INPP4B: variants seen among roughly 807,000 people sequenced by gnomAD.
INPP4B encodes inositol polyphosphate 4-phosphatase type II.
INPP4B carries 55 observed loss-of-function variants against 122.5 expected under a neutral mutation model. That is an observed-to-expected ratio of 0.45 (90% CI 0.36 to 0.56). The LOEUF is 0.56. INPP4B is among the 20% of genes least tolerant of loss of function. The probability of loss-of-function intolerance (pLI) is 0.00; values close to 1 mark genes in which losing one functional copy is unlikely to be tolerated. For synonymous variants in INPP4B, 403 were observed against 388.7 expected (o/e 1.04, Z -0.43); for missense variants, 1,000 against 1,097.7 (o/e 0.91, Z 1.26).
chr4:142,761,393 T>C (rs1771325101), intron 1 of INPP4B, among the ~76,000 whole-genome samples: 1 of 152,152 alleles, frequency 6.6e-6, no homozygotes, highest in Non-Finnish European at 1.5e-5. Context: ...CTACATCATA[T>C]AATTTATTTT....
At chr4:142,588,526 C>T (rs924960257) in intron 2 of INPP4B, among the ~76,000 whole-genome samples, 6 of 150,818 alleles carry the variant, frequency 4.0e-5, no homozygotes, top group African/African-American at 9.7e-5. Flanking sequence ...CAATGAACAA[C>T]TTGAATTTCA....
chr4:142,246,072 TAC>T (rs1444314019), intron 11 of INPP4B, among the ~76,000 whole-genome samples: 2 of 135,994 alleles, frequency 1.5e-5, no homozygotes, highest in Non-Finnish European at 3.0e-5. Flanking sequence ...TGTGTGTGTA[TAC>T]ACACATTATA....
intron 3 of INPP4B, among the ~76,000 whole-genome samples, chr4:142,438,638 A>G (rs1459599033): frequency 6.6e-6 from 1 of 152,218 alleles, no homozygotes; most frequent in Non-Finnish European, 1.5e-5. Context: ...GGACATAGGC[A>G]TGGGCAAAGA....
intron 7 of INPP4B, among the ~76,000 whole-genome samples, chr4:142,393,346 TAATC>T (rs1360558948): frequency 1.3e-5 from 2 of 152,148 alleles, no homozygotes; most frequent in East Asian, 1.9e-4. Flanking sequence ...AAATATAACA[TAATC>T]AAACTAAGAC....
intron 18 of INPP4B, among the ~76,000 whole-genome samples, chr4:142,139,165 C>T (rs1177263718): frequency 6.6e-6 from 1 of 152,288 alleles, no homozygotes; most frequent in South Asian, 2.1e-4. Flanking sequence ...AGGGTAAGTA[C>T]TCAACAAATA....
chr4:142,051,358 T>C (rs74646850), intron 25 of INPP4B, among the ~76,000 whole-genome samples: 2,959 of 152,118 alleles, frequency 0.019, 45 homozygotes, highest in East Asian at 0.059. Flanking sequence ...AGTATTGTTA[T>C]AGAATACTAG....
intron 1 of INPP4B, among the ~76,000 whole-genome samples, chr4:142,741,901 T>C (rs1343270358): frequency 1.3e-5 from 2 of 151,940 alleles, no homozygotes; most frequent in African/African-American, 4.8e-5. Context: ...CATTTACTCT[T>C]AAATTTTGTC....
At chr4:142,154,002 G>A (rs1169609528) in intron 17 of INPP4B, among the ~76,000 whole-genome samples, 2 of 152,102 alleles carry the variant, frequency 1.3e-5, no homozygotes, top group South Asian at 2.1e-4. Flanking sequence ...TCTCTTGGGT[G>A]ATATAGACTG....
At chr4:142,532,235 G>A (rs1827701240) in intron 2 of INPP4B, among the ~76,000 whole-genome samples, 1 of 152,124 alleles carries the variant, frequency 6.6e-6, no homozygotes. Context: ...CCTGCAGTTG[G>A]CCTCTCCATC....
intron 15 of INPP4B, among the ~76,000 whole-genome samples, chr4:142,176,864 T>C (rs543344337): frequency 2.0e-5 from 3 of 152,314 alleles, no homozygotes; most frequent in East Asian, 3.9e-4. Context: ...AGGACTCTCA[T>C]AAAAGTTCCT....
At chr4:142,571,930 CGAATAAAT>C (rs1198938530) in intron 2 of INPP4B, among the ~76,000 whole-genome samples, 1 of 151,906 alleles carries the variant, frequency 6.6e-6, no homozygotes, top group Non-Finnish European at 1.5e-5. Context: ...AATAAATCAG[CGAATAAAT>C]GAATAAATTG....
At chr4:142,720,797 C>CTATATATATATA (rs1170460036) in intron 2 of INPP4B, among the ~76,000 whole-genome samples, 4 of 29,358 alleles carry the variant, frequency 1.4e-4, no homozygotes, top group Admixed American at 5.2e-4. Flanking sequence ...CTCTCTCTCT[C>CTATATATATATA]TCTCTCTCTC....
chr4:142,450,879 T>C (rs914934529), intron 3 of INPP4B, among the ~76,000 whole-genome samples: 1 of 151,726 alleles, frequency 6.6e-6, no homozygotes, highest in Non-Finnish European at 1.5e-5. Context: ...AGAAAGAAAT[T>C]AGGGCAGAGG....
intron 8 of INPP4B, chr4:142,305,823 C>A: frequency 3.4e-6 from 4 of 1,165,878 alleles, no homozygotes; most frequent in Non-Finnish European, 4.3e-6. Context: ...CTATAATTTT[C>A]TCTGCATATG....
intron 2 of INPP4B, among the ~76,000 whole-genome samples, chr4:142,707,862 C>G (rs1172421202): frequency 6.6e-6 from 1 of 152,174 alleles, no homozygotes; most frequent in African/African-American, 2.4e-5. Flanking sequence ...CAGGTTGGAA[C>G]AGTTTAGAGG....
At chr4:142,250,388 C>T (rs1444118626) in intron 11 of INPP4B, among the ~76,000 whole-genome samples, 10 of 152,168 alleles carry the variant, frequency 6.6e-5, no homozygotes, top group Admixed American at 5.2e-4. Flanking sequence ...TCAGTAAGTA[C>T]TTCATAACTC....
At position 142,028,846 on chromosome 4, in the gene INPP4B, T is replaced by G. The variant is rs1416392596; in HGVS notation, c.2711A>C (p.Gln904Pro). ...GTAGTACTTGGGGAAAGCCATCAGC[T>G]GTAGCATGTTGAAAGCATACTTTCT... ...KCRKYAFNML[Q>P]LMAFPKYYRP... Residue 904 changes from glutamine to proline, a missense_variant, in exon 26 of 26, where the codon CAG becomes CCG. By Grantham distance (76) the Gln-to-Pro change is moderately conservative. Coordinates refer to ENST00000262992, the MANE Select transcript of INPP4B (RefSeq NM_001101669.3). 6.2e-7 allele frequency: 1 copy of G among 1,613,634 alleles called. No individual in the cohort carries two copies. The highest frequency in any genetic ancestry group is 1.7e-5 in the Admixed American group (1 of 59,966).
chr4:142,257,216 A>G (rs926550888), intron 11 of INPP4B, among the ~76,000 whole-genome samples: 8 of 152,334 alleles, frequency 5.3e-5, no homozygotes, highest in Admixed American at 3.3e-4. Flanking sequence ...CAAAATAATA[A>G]GAGCTATCTG....
At chr4:142,642,049 G>C (rs1170159673) in intron 2 of INPP4B, among the ~76,000 whole-genome samples, 1 of 152,140 alleles carries the variant, frequency 6.6e-6, no homozygotes, top group African/African-American at 2.4e-5. Flanking sequence ...GTGTCTGTTG[G>C]CTGCATTGAT....
Sources: allele counts gnomAD v4.1 joint callset (sites outside exome capture counted in the v4.1 genomes callset), GRCh38; gene constraint gnomAD v4.1.1; transcripts MANE v1.5; gene names NCBI Gene and HGNC (gene_info 2026-07-23, HGNC 2026-07-21).